Variants in PPP1R37 observed in about 807,000 individuals in gnomAD.
PPP1R37 encodes the protein protein phosphatase 1 regulatory subunit 37.
Under a neutral mutation model 61.0 loss-of-function variants are expected in PPP1R37, and 21 were observed. The observed-to-expected ratio is 0.34, with a 90% CI of 0.24 to 0.50. The LOEUF is 0.50. Among genes scored for constraint, PPP1R37 ranks in the 20% least tolerant of loss-of-function variants. The pLI, the probability that PPP1R37 is intolerant of heterozygous loss-of-function variation, is 0.98. For missense variants in PPP1R37, 910 were observed against 952.7 expected (o/e 0.96, Z 0.59); for synonymous variants, 443 against 433.5 (o/e 1.02, Z -0.27).
At chr19:45,120,318 T>G (rs1402687722) in intron 1 of PPP1R37, among the ~76,000 whole-genome samples, 4 of 152,114 alleles carry the variant, frequency 2.6e-5, no homozygotes, top group Admixed American at 6.5e-5. Flanking sequence ...CACCCGGCTT[T>G]CCCCACTTCT....
At chr19:45,133,085 G>T (rs1343487419) in intron 1 of PPP1R37, among the ~76,000 whole-genome samples, 1 of 152,022 alleles carries the variant, frequency 6.6e-6, no homozygotes, top group Non-Finnish European at 1.5e-5. Flanking sequence ...TGTTCTTTTT[G>T]TGTGTCCGTG....
chr19:45,143,610 A>C lies in PPP1R37; in HGVS notation c.964A>C (p.Met322Leu), dbSNP rs560777174. ...GAACAACCAGCTCACGCACACAGGCATGGCCTTCCTGGGCATGACACTGGT... is the reference window on the plus strand; with the variant it reads ...GAACAACCAGCTCACGCACACAGGCCTGGCCTTCCTGGGCATGACACTGGT... ...LWNNQLTHTG[M>L]AFLGMTLPHT... Residue 322 changes from methionine to leucine, a missense_variant, in exon 8 of 13, where the codon ATG becomes CTG. Physicochemically the swap from Met to Leu is conservative, Grantham distance 15. Around this residue, in one of 3 missense-constraint regions of PPP1R37, gnomAD observed 280 missense variants for 382.2 expected, o/e 0.73. Coordinates refer to ENST00000221462, the MANE Select transcript of PPP1R37 (RefSeq NM_019121.2). 9 of 1,535,096 alleles carry C rather than the reference A, an allele frequency of 5.9e-6. No individual in the cohort carries two copies. In the African/African-American group the frequency reaches 1.2e-4, roughly 21 times the overall value.
intron 1 of PPP1R37, among the ~76,000 whole-genome samples, chr19:45,100,471 C>T (rs1056030026): frequency 1.2e-4 from 18 of 152,100 alleles, no homozygotes; most frequent in African/African-American, 4.1e-4. Context: ...ATCACAGCCA[C>T]CCCAGGAGGT....
rs1202022879 is a variant in PPP1R37 at position 45,101,489 on chromosome 19, G to A, written c.202+7962G>A. ...TCCCAGCACTTCAGGAGCTCCAGGCGGGAAGATCACTTAAGCCCAGGAGTT... is the reference window on the plus strand; with the variant it reads ...TCCCAGCACTTCAGGAGCTCCAGGCAGGAAGATCACTTAAGCCCAGGAGTT... On this transcript the variant is annotated intron_variant, in intron 1 of 12. Coordinates refer to ENST00000221462, the MANE Select transcript of PPP1R37 (RefSeq NM_019121.2). 2.0e-5 allele frequency among the ~76,000 whole-genome samples: 3 copies of A among 152,320 alleles called. No individual in the cohort carries two copies. In the East Asian group the frequency reaches 5.8e-4, roughly 29 times the overall value.
At chr19:45,098,631 AG>A (rs1327419093) in intron 1 of PPP1R37, among the ~76,000 whole-genome samples, 1 of 152,096 alleles carries the variant, frequency 6.6e-6, no homozygotes, top group African/African-American at 2.4e-5. Flanking sequence ...TTTGGAAGGC[AG>A]CGGGAGGGGT....
chr19:45,105,456 C>T (rs1195742673), intron 1 of PPP1R37, among the ~76,000 whole-genome samples: 1 of 152,078 alleles, frequency 6.6e-6, no homozygotes, highest in African/African-American at 2.4e-5. Flanking sequence ...GACACCGCAC[C>T]ATTTAGGGAG....
intron 7 of PPP1R37, 21 bp from the exon 8 acceptor site, chr19:45,143,500 C>CT (rs1323201444): frequency 6.8e-7 from 1 of 1,469,376 alleles, no homozygotes; most frequent in South Asian, 1.2e-5. Context: ...AGACAGGGCT[C>CT]TGACTGCCGG....
At position 45,145,941 on chromosome 19, in the gene PPP1R37, T is replaced by C. The variant is rs1388474280; in HGVS notation, c.1885T>C (p.Ser629Pro). 1 of 1,534,328 alleles carries C rather than the reference T, an allele frequency of 6.5e-7. No individual in the cohort carries two copies. The highest frequency in any genetic ancestry group is 2.4e-5 in the East Asian group (1 of 40,838). ...EPQPPPEPPR[S>P]GPPLPNGLKP... ...TCAGCCACCACCGGAGCCGCCTCGG[T>C]CAGGGCCACCACTGCCCAACGGCCT... The change falls in exon 11 of 13, where the codon TCA (serine) becomes CCA (proline). Residue 629 changes from serine (S) to proline (P), a missense_variant. By Grantham distance (74) the Ser-to-Pro change is moderately conservative. Around this residue, in one of 3 missense-constraint regions of PPP1R37, gnomAD observed 549 missense variants for 505.1 expected, o/e 1.09. Transcript: ENST00000221462.
rs774627740 is a variant in PPP1R37, at chr19:45,130,268, C to T, written c.203-8246C>T. Among the ~76,000 whole-genome samples the T allele has an allele frequency of 6.6e-6, 1 of 152,120 alleles. No individual in the cohort carries two copies. Among genetic ancestry groups the T allele is most frequent in the Admixed American group, 6.5e-5 (1 of 15,274 alleles). On this transcript the variant is annotated intron_variant, in intron 1 of 12. Transcript: ENST00000221462. This position sits in a 1 kb window ranked among gnomAD's most constrained non-coding sequence, Gnocchi z 4.4. ...CCTCCCCGTGAGTACTACAGGGGAC[C>T]CCACTCCTGCAGAATACAATCCTCC...
At chr19:45,119,641 C>T (rs1455058479) in intron 1 of PPP1R37, among the ~76,000 whole-genome samples, 1 of 152,238 alleles carries the variant, frequency 6.6e-6, no homozygotes, top group Non-Finnish European at 1.5e-5. Flanking sequence ...TTTACCTATA[C>T]ATTGCTTGTG....
At chr19:45,097,322 T>A (rs1203680961) in intron 1 of PPP1R37, among the ~76,000 whole-genome samples, 1 of 151,646 alleles carries the variant, frequency 6.6e-6, no homozygotes, top group Non-Finnish European at 1.5e-5. Context: ...AGCTGACAGG[T>A]CTGAAGGGGG....
intron 1 of PPP1R37, among the ~76,000 whole-genome samples, chr19:45,111,899 G>T (rs1475899729): frequency 1.3e-5 from 2 of 151,940 alleles, no homozygotes; most frequent in South Asian, 4.2e-4. Context: ...ATGGTGTTTC[G>T]TTCTGCCTGT....
At chr19:45,113,794 T>C (rs907569660) in intron 1 of PPP1R37, among the ~76,000 whole-genome samples, 2 of 152,196 alleles carry the variant, frequency 1.3e-5, no homozygotes, top group African/African-American at 4.8e-5. Context: ...TGATTATTTA[T>C]CCCCAGGTCT....
chr19:45,116,260 C>T lies in PPP1R37; in HGVS notation c.203-22254C>T, dbSNP rs186374846. Among the ~76,000 whole-genome samples, 3 of 152,328 alleles carry T rather than the reference C, an allele frequency of 2.0e-5. No homozygotes were observed. The East Asian group carries it at 5.8e-4, about 29-fold the overall frequency. On this transcript the variant is annotated intron_variant, in intron 1 of 12. Transcript: ENST00000221462. Reference sequence around the variant, plus strand: ...CGGCAGGCAGTTGGGAAGGTCAGGACGAGGGGAAGGGAAGGCAGGCCTGTG... The same window carrying T: ...CGGCAGGCAGTTGGGAAGGTCAGGATGAGGGGAAGGGAAGGCAGGCCTGTG...
intron 1 of PPP1R37, among the ~76,000 whole-genome samples, chr19:45,120,088 G>T (rs2060252): frequency 0.035 from 4,833 of 136,224 alleles, 267 homozygotes; most frequent in African/African-American, 0.12. Flanking sequence ...CGCGATCTCC[G>T]CTCACTGCAA....
chr19:45,142,109 C>T lies in PPP1R37; in HGVS notation c.616C>T (p.His206Tyr), dbSNP rs1968620066. 6.5e-7 allele frequency: 1 copy of T among 1,533,812 alleles called. No individual in the cohort carries two copies. The highest frequency in any genetic ancestry group is 2.0e-5 in the Admixed American group (1 of 50,902). The change falls in exon 6 of 13, where the codon CAC becomes TAC. Residue 206 changes from histidine (H) to tyrosine (Y), a missense_variant. Around this residue, in one of 3 missense-constraint regions of PPP1R37, gnomAD observed 280 missense variants for 382.2 expected, o/e 0.73. Transcript: ENST00000221462. ...LDARNTPLLDHSAPFVARALR... is the reference protein window; with the variant it reads ...LDARNTPLLDYSAPFVARALR... ...CGCCCGCAACACGCCCCTGCTGGAC[C>T]ACTCGGCGCCCTTCGTGGCCCGTGC...
intron 2 of PPP1R37, among the ~76,000 whole-genome samples, chr19:45,138,970 G>A (rs942395588): frequency 7.9e-6 from 1 of 125,914 alleles, no homozygotes; most frequent in Non-Finnish European, 1.6e-5. Context: ...CTGGAGTACA[G>A]TGGCGCCATT....
chr19:45,125,029 G>T (rs912942847), intron 1 of PPP1R37, among the ~76,000 whole-genome samples: 1 of 152,136 alleles, frequency 6.6e-6, no homozygotes, highest in Non-Finnish European at 1.5e-5. Context: ...TCCTAAATTC[G>T]AAGCTTGGAA....
rs1204704977 is a variant in PPP1R37 at position 45,145,186 on chromosome 19, G to A, written c.1222G>A (p.Ala408Thr). Residue 408 changes from alanine (A) to threonine (T), a missense_variant, in exon 10 of 13, where the codon GCA becomes ACA. By Grantham distance (58) the Ala-to-Thr change is moderately conservative. Coordinates refer to ENST00000221462, the MANE Select transcript of PPP1R37 (RefSeq NM_019121.2). ...ENEIKTGGLM[A>T]LSLALKVNHS... ...CGAGATCAAGACAGGCGGGCTCATGGCACTGTCGTTGGCCCTCAAGGTGAA... is the reference window on the plus strand; with the variant it reads ...CGAGATCAAGACAGGCGGGCTCATGACACTGTCGTTGGCCCTCAAGGTGAA... The A allele has an allele frequency of 6.5e-7, 1 of 1,535,276 alleles. No homozygotes were observed. Among genetic ancestry groups the A allele is most frequent in the East Asian group, 2.4e-5 (1 of 40,882 alleles).
Sources: allele counts gnomAD v4.1 joint callset (sites outside exome capture counted in the v4.1 genomes callset), GRCh38; gene constraint gnomAD v4.1.1; regional missense constraint gnomAD v4.1.1; non-coding constraint Gnocchi (gnomAD v3.1); transcripts MANE v1.5; gene names NCBI Gene and HGNC (gene_info 2026-07-23, HGNC 2026-07-21).